INTS3: variants seen among roughly 807,000 people sequenced by gnomAD.
INTS3 encodes SOSS complex subunit A.
A neutral mutation model predicts 146.3 loss-of-function variants in INTS3; 34 were observed. The observed-to-expected ratio is 0.23, with a 90% CI of 0.18 to 0.31. The LOEUF (loss-of-function observed/expected upper bound fraction) is 0.31. Ranked by LOEUF, INTS3 falls within the 10% of genes least tolerant of loss-of-function variation. The probability of loss-of-function intolerance (pLI) is 1.00; values close to 1 mark genes in which losing one functional copy is unlikely to be tolerated. For synonymous variants in INTS3, 475 were observed against 494.9 expected (o/e 0.96, Z 0.53); for missense variants, 757 against 1,304.2 (o/e 0.58, Z 6.46).
chr1:153,771,861 C>T lies in INTS3; in HGVS notation c.2618C>T (p.Thr873Ile), dbSNP rs760214847. 3.1e-6 allele frequency: 5 copies of T among 1,614,124 alleles called. No homozygotes were observed. The South Asian group carries it at 3.3e-5, about 11-fold the overall frequency. ...RPCHPDDQFTTSILRHWCMKH... is the reference protein window; with the variant it reads ...RPCHPDDQFTISILRHWCMKH... ...TGCCATCCTGACGACCAGTTCACCA[C>T]CAGCATCCTGCGGCACTGGTGCATG... is the stretch of plus-strand genomic sequence containing the variant. The change falls in exon 26 of 30, where the codon ACC becomes ATC. Residue 873 changes from threonine (T) to isoleucine (I), a missense_variant. Physicochemically the swap from Thr to Ile is moderately conservative, Grantham distance 89. Around this residue, in one of 8 missense-constraint regions of INTS3, gnomAD observed 116 missense variants for 226.5 expected, o/e 0.51. Coordinates refer to ENST00000318967, the MANE Select transcript of INTS3 (RefSeq NM_023015.5).
chr1:153,773,145 C>G (rs533474093), intron 29 of INTS3, 48 bp from the exon 30 acceptor site: 6 of 1,613,364 alleles, frequency 3.7e-6, no homozygotes, highest in Non-Finnish European at 5.1e-6. Context: ...TCGGCGCCAG[C>G]AGCTGCCCAG....
intron 20 of INTS3, chr1:153,767,364 A>C: frequency 3.4e-6 from 1 of 294,776 alleles, no homozygotes; most frequent in Non-Finnish European, 6.3e-6. Context: ...AAAGCAAGAG[A>C]GAAAGCCTTC....
intron 2 of INTS3, 120 bp downstream of exon 2, chr1:153,740,854 T>C: frequency 1.3e-6 from 1 of 793,056 alleles, no homozygotes; most frequent in South Asian, 1.4e-5. Flanking sequence ...AAGTCTTGGC[T>C]CCCTGAATCA....
rs377542312 is a variant in INTS3 at position 153,728,610 on chromosome 1, C to A, written c.-25C>A. The A allele has an allele frequency of 1.9e-6, 3 of 1,593,354 alleles. No individual in the cohort carries two copies. Among genetic ancestry groups the A allele is most frequent in the African/African-American group, 2.7e-5 (2 of 73,216 alleles). Reference sequence around the variant, plus strand: ...ACTGTCCATCCATCCACTCCCTGACCTTTTCCCGGCTCCTGGCTGCAGCCA... The same window carrying A: ...ACTGTCCATCCATCCACTCCCTGACATTTTCCCGGCTCCTGGCTGCAGCCA... On this transcript the variant is annotated 5_prime_UTR_variant, in exon 1 of 30. Coordinates refer to ENST00000318967, the MANE Select transcript of INTS3 (RefSeq NM_023015.5).
At chr1:153,759,771 A>T in intron 11 of INTS3, 158 bp downstream of exon 11, 1 of 618,782 alleles carries the variant, frequency 1.6e-6, no homozygotes, top group East Asian at 2.7e-5. Context: ...CTTGACCTAG[A>T]AAGAGAATTG....
intron 1 of INTS3, among the ~76,000 whole-genome samples, chr1:153,731,837 G>A (rs1671074696): frequency 6.7e-6 from 1 of 149,596 alleles, no homozygotes; most frequent in African/African-American, 2.5e-5. Flanking sequence ...CGCCCACCTC[G>A]GCCTCCCAAA....
At chr1:153,728,856 GA>G in intron 1 of INTS3, 72 bp downstream of exon 1, 3 of 434,714 alleles carry the variant, frequency 6.9e-6, no homozygotes, top group Non-Finnish European at 1.2e-5. Flanking sequence ...TACCGGGTGG[GA>G]GGACGGGGGG....
At chr1:153,741,119 T>C (rs1253088469) in intron 2 of INTS3, among the ~76,000 whole-genome samples, 166 bp from the exon 3 acceptor site, 1 of 152,196 alleles carries the variant, frequency 6.6e-6, no homozygotes, top group Non-Finnish European at 1.5e-5. Context: ...TTATCTCTCT[T>C]CTTTTTTTAA....
intron 3 of INTS3, among the ~76,000 whole-genome samples, chr1:153,743,819 T>G (rs1263429467): frequency 6.6e-6 from 1 of 152,182 alleles, no homozygotes; most frequent in Non-Finnish European, 1.5e-5. Context: ...TGTCAAGGTC[T>G]GTCTTCATCA....
chr1:153,755,522 A>C (rs1331849255), intron 9 of INTS3, among the ~76,000 whole-genome samples: 2 of 152,064 alleles, frequency 1.3e-5, no homozygotes, highest in African/African-American at 4.8e-5. Context: ...AGCCTCCCAA[A>C]GTGCTGGGAT....
At chr1:153,733,657 G>C (rs1359146475) in intron 1 of INTS3, among the ~76,000 whole-genome samples, 1 of 151,130 alleles carries the variant, frequency 6.6e-6, no homozygotes, top group Admixed American at 6.6e-5. Context: ...ACCCAGGCTG[G>C]AGTGCAGTGG....
chr1:153,760,234 A>C (rs1217119418), intron 11 of INTS3, 77 bp from the exon 12 acceptor site: 2 of 214,508 alleles, frequency 9.3e-6, no homozygotes, highest in African/African-American at 9.8e-5. Flanking sequence ...CTCTGTTTCA[A>C]AAAAAAAAAA....
At chr1:153,742,492 G>A (rs1570843659) in intron 3 of INTS3, among the ~76,000 whole-genome samples, 1 of 152,070 alleles carries the variant, frequency 6.6e-6, no homozygotes, top group African/African-American at 2.4e-5. Context: ...GTGTGTGTGT[G>A]TGTGTGTGTG....
intron 19 of INTS3, 52 bp from the exon 20 acceptor site, chr1:153,764,892 G>T: frequency 6.2e-7 from 1 of 1,612,234 alleles, no homozygotes; most frequent in South Asian, 1.1e-5. Context: ...CTCCATGGGA[G>T]AGTCTGCCCT....
chr1:153,751,176 T>C lies in INTS3; in HGVS notation c.666T>C (p.Thr222=), dbSNP rs1204274409. The C allele has an allele frequency of 6.2e-7, 1 of 1,614,202 alleles. No homozygotes were observed. Among genetic ancestry groups the C allele is most frequent in the Non-Finnish European group, 8.5e-7 (1 of 1,180,036 alleles). Reference sequence around the variant, plus strand: ...GCCTCATCGTGGACCACCATGGGACTGCCCAGCTCCAGGCCCTGCGACAGA... The same window carrying C: ...GCCTCATCGTGGACCACCATGGGACCGCCCAGCTCCAGGCCCTGCGACAGA... The part of the protein sequence containing the change: ...YLRLIVDHHG[T]AQLQALRQKE... Residue 222 remains threonine, a synonymous_variant, in exon 7 of 30, where the codon ACT becomes ACC. Coordinates refer to ENST00000318967, the MANE Select transcript of INTS3 (RefSeq NM_023015.5).
chr1:153,735,955 C>G (rs1178071807), intron 1 of INTS3, among the ~76,000 whole-genome samples: 2 of 152,166 alleles, frequency 1.3e-5, no homozygotes, highest in East Asian at 1.9e-4. Context: ...TAGTCTTGAA[C>G]TCCTGGCCTC....
In INTS3 at chr1:153,754,221, A is replaced by G. The variant is rs117257165; in HGVS notation, c.860-421A>G. Among the ~76,000 whole-genome samples the G allele has an allele frequency of 4.8e-4, 73 of 152,294 alleles. No homozygotes were observed. In the East Asian group the frequency reaches 0.013, roughly 28 times the overall value. On this transcript the variant is annotated intron_variant, in intron 8 of 29. Transcript: ENST00000318967. Reference sequence around the variant, plus strand: ...CCAATAATCATGCTTATGAGCTACAATAGGATCTGGATCCACATGTTTCTG... The same window carrying G: ...CCAATAATCATGCTTATGAGCTACAGTAGGATCTGGATCCACATGTTTCTG...
At chr1:153,760,011 T>G (rs1299340711) in intron 11 of INTS3, 2 of 511,864 alleles carry the variant, frequency 3.9e-6, no homozygotes, top group Non-Finnish European at 7.0e-6. Flanking sequence ...ATGGGGGGAA[T>G]AGACATAGCA....
intron 13 of INTS3, 160 bp downstream of exon 13, chr1:153,761,078 A>T: frequency 6.9e-7 from 1 of 1,445,108 alleles, no homozygotes; most frequent in South Asian, 1.5e-5. Context: ...TGGCTCTTAG[A>T]GGAATTTCTC....
Sources: gnomAD v4.1 joint callset for allele counts (sites outside exome capture counted in the v4.1 genomes callset) on GRCh38, gnomAD v4.1.1 for gene constraint, gnomAD v4.1.1 regional missense constraint, MANE v1.5 for transcripts, NCBI Gene and HGNC (gene_info 2026-07-23, HGNC 2026-07-21) for gene names.